The following SH3BGRL2 variants were observed in gnomAD, a reference collection of about 807,000 sequenced individuals.
SH3BGRL2 encodes the protein SH3 domain-binding glutamic acid-rich-like protein 2.
A neutral mutation model predicts 14.8 loss-of-function variants in SH3BGRL2; 21 were observed. The ratio of observed to expected loss-of-function variants is 1.42; its 90% CI spans 1.01 to 2.05. SH3BGRL2 has a LOEUF of 2.05. Ranked by LOEUF, SH3BGRL2 falls within the 30% of genes most tolerant of loss-of-function variation. The pLI is 0.00. For synonymous variants in SH3BGRL2, 50 were observed against 47.8 expected, an observed-to-expected ratio of 1.05 and a Z score of -0.19; for missense variants, 147 against 130.8, an observed-to-expected ratio of 1.12 and a Z score of -0.61.
upstream of SH3BGRL2, among the ~76,000 whole-genome samples, chr6:79,630,491 A>G (rs1455891380): frequency 1.3e-5 from 2 of 152,230 alleles, no homozygotes; most frequent in Non-Finnish European, 2.9e-5. Flanking sequence ...GCAACTATAT[A>G]GAAGCTTTTT....
chr6:79,549,700 A>G, the SH3BGRL2 span, among the ~76,000 whole-genome samples: 2 of 152,322 alleles, frequency 1.3e-5, no homozygotes, highest in Non-Finnish European at 2.9e-5. Flanking sequence ...GGGAGGAGGA[A>G]GCTGGGGAAT....
the SH3BGRL2 span, among the ~76,000 whole-genome samples, chr6:79,590,470 A>C: frequency 5.9e-5 from 5 of 85,322 alleles, no homozygotes; most frequent in African/African-American, 2.3e-4. Flanking sequence ...TATATGCGCC[A>C]TGGAATACAG....
chr6:79,583,632 G>C, the SH3BGRL2 span, among the ~76,000 whole-genome samples: 86 of 152,276 alleles, frequency 5.6e-4, no homozygotes, highest in African/African-American at 1.4e-3. Context: ...GGCCTGTAAG[G>C]GGGTGGGGAG....
At chr6:79,668,808 A>G (rs1176017934) in intron 1 of SH3BGRL2, among the ~76,000 whole-genome samples, 1 of 152,192 alleles carries the variant, frequency 6.6e-6, no homozygotes, top group Non-Finnish European at 1.5e-5. Flanking sequence ...ATGCAACCAC[A>G]TACTACTTTC....
At chr6:79,655,550 A>T (rs964815998) in intron 1 of SH3BGRL2, among the ~76,000 whole-genome samples, 2 of 152,134 alleles carry the variant, frequency 1.3e-5, no homozygotes, top group Non-Finnish European at 1.5e-5. Context: ...ATTACCCCAC[A>T]GAGAAATCTC....
the SH3BGRL2 span, among the ~76,000 whole-genome samples, chr6:79,553,688 T>C: frequency 6.6e-6 from 1 of 152,100 alleles, no homozygotes; most frequent in Non-Finnish European, 1.5e-5. Flanking sequence ...TTATATGGTC[T>C]GGGCCAGGTG....
At chr6:79,637,837 TATATG>T (rs1186133479) in intron 1 of SH3BGRL2, among the ~76,000 whole-genome samples, 3 of 152,194 alleles carry the variant, frequency 2.0e-5, no homozygotes, top group Admixed American at 6.5e-5. Context: ...AAGAAAAACA[TATATG>T]ATAATGTTTC....
the SH3BGRL2 span, among the ~76,000 whole-genome samples, chr6:79,586,513 AAAAT>A: frequency 4.6e-5 from 7 of 152,190 alleles, no homozygotes; most frequent in Admixed American, 6.5e-5. Flanking sequence ...TTTTTGCATT[AAAAT>A]AAATAAAATG....
chr6:79,684,729 T>C (rs1770058680), intron 2 of SH3BGRL2, among the ~76,000 whole-genome samples: 1 of 152,222 alleles, frequency 6.6e-6, no homozygotes, highest in South Asian at 2.1e-4. Flanking sequence ...AGTTTTACAA[T>C]GAAATCTGTT....
At chr6:79,569,119 G>C in the SH3BGRL2 span, among the ~76,000 whole-genome samples, 1 of 152,158 alleles carries the variant, frequency 6.6e-6, no homozygotes, top group Non-Finnish European at 1.5e-5. Flanking sequence ...TAAGATGTAC[G>C]ATATACATTG....
intron 3 of SH3BGRL2, among the ~76,000 whole-genome samples, chr6:79,698,687 T>G (rs1448928361): frequency 1.3e-5 from 2 of 151,828 alleles, no homozygotes; most frequent in African/African-American, 4.8e-5. Flanking sequence ...ATATGTTGTT[T>G]GTCCTGTGAA....
the SH3BGRL2 span, among the ~76,000 whole-genome samples, chr6:79,579,741 T>G: frequency 6.6e-6 from 1 of 152,164 alleles, no homozygotes; most frequent in African/African-American, 2.4e-5. Context: ...ACCACAATAA[T>G]TAATTGGCAA....
intron 2 of SH3BGRL2, among the ~76,000 whole-genome samples, chr6:79,682,983 A>G (rs1038887851): frequency 1.3e-5 from 2 of 152,338 alleles, no homozygotes; most frequent in African/African-American, 2.4e-5. Context: ...TCTCACTCAT[A>G]GGTGGGAATT....
At chr6:79,617,290 A>G in the SH3BGRL2 span, among the ~76,000 whole-genome samples, 32,585 of 152,118 alleles carry the variant, frequency 0.21, 3,718 homozygotes, top group African/African-American at 0.24. Context: ...GCATTTATCT[A>G]TATGTACTTC....
the SH3BGRL2 span, among the ~76,000 whole-genome samples, chr6:79,607,914 C>T: frequency 3.9e-5 from 6 of 152,058 alleles, no homozygotes; most frequent in East Asian, 1.2e-3. Flanking sequence ...CCATTGCACT[C>T]CAGCCTGGAA....
At chr6:79,632,178 C>G (rs1182874344) in intron 1 of SH3BGRL2, among the ~76,000 whole-genome samples, 1 of 151,824 alleles carries the variant, frequency 6.6e-6, no homozygotes, top group Non-Finnish European at 1.5e-5. Flanking sequence ...AAATTTTATC[C>G]TGGGGATCTA....
chr6:79,556,215 A>G, the SH3BGRL2 span, among the ~76,000 whole-genome samples: 1 of 152,186 alleles, frequency 6.6e-6, no homozygotes, highest in Non-Finnish European at 1.5e-5. Flanking sequence ...AAAAATTGCA[A>G]TTTCTGCTAT....
intron 1 of SH3BGRL2, among the ~76,000 whole-genome samples, chr6:79,650,011 AC>A (rs1769254308): frequency 6.6e-6 from 1 of 151,774 alleles, no homozygotes; most frequent in African/African-American, 2.4e-5. Flanking sequence ...ACACACACAC[AC>A]ACACAGTTAC....
chr6:79,631,556 C>T, intron 1 of SH3BGRL2, 50 bp downstream of exon 1: 2 of 1,341,630 alleles, frequency 1.5e-6, no homozygotes, highest in Non-Finnish European at 9.7e-7. Flanking sequence ...GGCGCGGGTC[C>T]TGCGGGAGGC....
Sources: allele counts gnomAD v4.1 joint callset (sites outside exome capture counted in the v4.1 genomes callset), GRCh38; gene constraint gnomAD v4.1.1; transcripts MANE v1.5; gene names NCBI Gene and HGNC (gene_info 2026-07-23, HGNC 2026-07-21).